Variants in POLG2 observed in about 807,000 individuals in gnomAD.
The protein encoded by POLG2 is DNA polymerase subunit gamma-2.
POLG2 carries 50 observed loss-of-function variants against 56.5 expected under a neutral mutation model. That is an observed-to-expected ratio of 0.88 (90% confidence interval 0.71 to 1.12). The LOEUF is 1.12. Among genes scored for constraint, POLG2 ranks in the 50% most tolerant of loss-of-function variants. The probability of loss-of-function intolerance (pLI) is 0.00; values close to 1 mark genes in which losing one functional copy is unlikely to be tolerated. For synonymous variants in POLG2, 226 were observed against 222.6 expected (o/e 1.02, Z -0.14); for missense variants, 584 against 583.3 (o/e 1.00, Z -0.01).
intron 7 of POLG2, among the ~76,000 whole-genome samples, chr17:64,479,007 T>G (rs1555666026): frequency 2.0e-5 from 3 of 152,044 alleles, no homozygotes; most frequent in Non-Finnish European, 4.4e-5. Context: ...CAATAAAACC[T>G]TTACCATATA....
intron 1 of POLG2, among the ~76,000 whole-genome samples, chr17:64,495,311 GGCT>G (rs1448666254): frequency 3.3e-5 from 5 of 152,104 alleles, no homozygotes; most frequent in Admixed American, 6.5e-5. Context: ...TGGGCACTGT[GGCT>G]CACACCTGTA....
intron 5 of POLG2, among the ~76,000 whole-genome samples, chr17:64,483,412 G>A (rs1555666890): frequency 1.3e-5 from 2 of 151,924 alleles, no homozygotes; most frequent in Admixed American, 6.6e-5. Flanking sequence ...CTACTCAGGC[G>A]GCTGAGGTGG....
At chr17:64,488,895 G>A (rs1308053129) in intron 4 of POLG2, among the ~76,000 whole-genome samples, 1 of 151,930 alleles carries the variant, frequency 6.6e-6, no homozygotes, top group East Asian at 1.9e-4. Flanking sequence ...TTGAACCTGG[G>A]AATCGCGACA....
intron 4 of POLG2, among the ~76,000 whole-genome samples, chr17:64,488,791 A>C: frequency 6.6e-6 from 1 of 152,072 alleles, no homozygotes; most frequent in Admixed American, 6.6e-5. Flanking sequence ...AATATGGTGA[A>C]ACCCTGTCTC....
chr17:64,480,338 G>T lies in POLG2; in HGVS notation c.1243C>A (p.Pro415Thr), dbSNP rs2037836718. Reference protein sequence around the residue: ...ELLENGISVWPGYLETMQSSL... With the variant: ...ELLENGISVWTGYLETMQSSL... ...GACTGCATAGTTTCCAAATAACCAG[G>T]CCACACAGAAATCCCATTTTCTAGT... The change falls in exon 7 of 8, where the codon CCT (proline) becomes ACT (threonine). Residue 415 changes from proline to threonine, a missense_variant. By Grantham distance (38) the Pro-to-Thr change is conservative. Coordinates refer to ENST00000539111, the MANE Select transcript of POLG2 (RefSeq NM_007215.4). 2 of 1,601,798 alleles carry T rather than the reference G, an allele frequency of 1.2e-6. No homozygotes were observed. The highest frequency in any genetic ancestry group is 4.5e-5 in the East Asian group (2 of 44,554).
chr17:64,492,807 T>C (rs1555668774), intron 2 of POLG2, 35 bp from the exon 3 acceptor site: 1 of 1,598,696 alleles, frequency 6.3e-7, no homozygotes, highest in East Asian at 2.2e-5. Context: ...AGTTAGCTTA[T>C]CTGAAAATTA....
chr17:64,483,513 CA>C (rs537704912), intron 5 of POLG2, among the ~76,000 whole-genome samples: 225 of 113,380 alleles, frequency 2.0e-3, no homozygotes, highest in Non-Finnish European at 2.4e-3. Flanking sequence ...GATCCTGTCT[CA>C]AAAAAAAAAA....
chr17:64,495,040 G>A (rs1223669839), intron 1 of POLG2, among the ~76,000 whole-genome samples: 3 of 152,060 alleles, frequency 2.0e-5, no homozygotes, highest in African/African-American at 7.2e-5. Flanking sequence ...AGGCGTGGTG[G>A]CAAGTGCCTG....
In POLG2 at chr17:64,478,450, A is replaced by G. The variant is rs188951849; in HGVS notation, c.1293-462T>C. 3.0e-3 allele frequency among the ~76,000 whole-genome samples: 462 copies of G among 152,352 alleles called. 2 individuals are homozygous for G. The highest frequency in any genetic ancestry group is 0.011 in the African/African-American group (450 of 41,582). ...CTAGCTTATAGCTTCTAGTTCAGCA[A>G]TAACCAAACAGATAGATGCACGGCT... is the stretch of plus-strand genomic sequence containing the variant. On this transcript the variant is annotated intron_variant, in intron 7 of 7. Transcript: ENST00000539111.
At chr17:64,482,692 G>A (rs1008088273) in intron 6 of POLG2, among the ~76,000 whole-genome samples, 2 of 152,146 alleles carry the variant, frequency 1.3e-5, no homozygotes, top group Non-Finnish European at 2.9e-5. Flanking sequence ...TAGAGTAAGG[G>A]TTAGGTTGAG....
chr17:64,482,869 G>A (rs1555666772), intron 6 of POLG2, 50 bp downstream of exon 6: 3 of 1,078,278 alleles, frequency 2.8e-6, no homozygotes, highest in African/African-American at 3.2e-5. Context: ...AGCGTTTTTG[G>A]ATAATACTCA....
In POLG2 at chr17:64,493,033, TA is replaced by T; in HGVS notation, c.563-13del. 1.2e-6 allele frequency: 2 copies of T among 1,613,972 alleles called. No individual in the cohort carries two copies. The highest frequency in any genetic ancestry group is 1.7e-6 in the Non-Finnish European group (2 of 1,179,848). On this transcript the variant is annotated splice_polypyrimidine_tract_variant and intron_variant, in intron 1 of 7. Transcript: ENST00000539111. The stretch of plus-strand genomic sequence containing the variant: ...GTGTTCCAAGGCACCTGTCAAAAGA[TA>T]AATCAATCATTGTATACATCTAGTC...
chr17:64,493,570 C>T (rs1364054746), intron 1 of POLG2, among the ~76,000 whole-genome samples: 3 of 152,046 alleles, frequency 2.0e-5, no homozygotes, highest in Non-Finnish European at 2.9e-5. Flanking sequence ...TTGCAACCTC[C>T]GCCTCCCGGG....
chr17:64,486,995 TTTC>T (rs1192498721), intron 4 of POLG2: 1 of 152,230 alleles, frequency 6.6e-6, no homozygotes, highest in Non-Finnish European at 1.5e-5. Flanking sequence ...CACTTTCATC[TTTC>T]TTTTTTTGTA....
At chr17:64,480,546 T>C (rs1273862149) in intron 6 of POLG2, among the ~76,000 whole-genome samples, 157 bp from the exon 7 acceptor site, 1 of 152,254 alleles carries the variant, frequency 6.6e-6, no homozygotes, top group Non-Finnish European at 1.5e-5. Context: ...CCATATCATA[T>C]ACTTTATAAA....
chr17:64,483,503 G>C (rs1187184749), intron 5 of POLG2, among the ~76,000 whole-genome samples: 2 of 143,196 alleles, frequency 1.4e-5, no homozygotes, highest in African/African-American at 5.6e-5. Context: ...GACAGAGTGA[G>C]ATCCTGTCTC....
At chr17:64,495,883 C>G (rs1167569108) in intron 1 of POLG2, among the ~76,000 whole-genome samples, 1 of 151,934 alleles carries the variant, frequency 6.6e-6, no homozygotes, top group Non-Finnish European at 1.5e-5. Flanking sequence ...TAATTTTTGT[C>G]TTTTTAGTAG....
At position 64,497,029 on chromosome 17, in the gene POLG2, C is replaced by T. The variant is rs552693721; in HGVS notation, c.-61G>A. On this transcript the variant is annotated 5_prime_UTR_variant, in exon 1 of 8. It adds an upstream start codon to the 5' untranslated region. Coordinates refer to ENST00000539111, the MANE Select transcript of POLG2 (RefSeq NM_007215.4). ...CTCAACGGATCCCAACAAGCCACCA[C>T]TACCGTTAACAGAATCCGGAGAGGC... is the stretch of plus-strand genomic sequence containing the variant. 2.0e-4 allele frequency: 302 copies of T among 1,503,098 alleles called. 3 individuals are homozygous for T. The South Asian group carries it at 3.2e-3, about 16-fold the overall frequency. 93.1% of individuals were successfully genotyped at this position (1,503,098 alleles called of 1,614,324 possible).
chr17:64,481,629 T>C lies in POLG2; in HGVS notation c.1192-1240A>G, dbSNP rs190975388. Among the ~76,000 whole-genome samples, 7 of 152,260 alleles carry C rather than the reference T, an allele frequency of 4.6e-5. No homozygotes were observed. The East Asian group carries it at 1.2e-3, about 25-fold the overall frequency. On this transcript the variant is annotated intron_variant, in intron 6 of 7. Coordinates refer to ENST00000539111, the MANE Select transcript of POLG2 (RefSeq NM_007215.4). ...GGCTCACGCCTGTAATCCCAGCACG[T>C]TGGGAGGCCGAGGTGGGCGGATCAC...
Sources: gnomAD v4.1 joint callset for allele counts (sites outside exome capture counted in the v4.1 genomes callset) on GRCh38, gnomAD v4.1.1 for gene constraint, MANE v1.5 for transcripts, NCBI Gene and HGNC (gene_info 2026-07-23, HGNC 2026-07-21) for gene names.